Variants in CNNM2 observed in about 807,000 individuals in gnomAD.
CNNM2 encodes cyclin and CBS domain divalent metal cation transport mediator 2.
CNNM2 carries 12 observed loss-of-function variants against 66.9 expected under a neutral mutation model. The ratio of observed to expected loss-of-function variants is 0.18; its 90% CI spans 0.11 to 0.29. The LOEUF (loss-of-function observed/expected upper bound fraction) is 0.29. Among genes scored for constraint, CNNM2 ranks in the 10% least tolerant of loss-of-function variants. The pLI, the probability that CNNM2 is intolerant of heterozygous loss-of-function variation, is 1.00. For missense variants in CNNM2, 705 were observed against 1,167.7 expected (o/e 0.60, Z 5.77); for synonymous variants, 557 against 501.8 (o/e 1.11, Z -1.47).
At position 103,085,327 on chromosome 10, in the gene CNNM2, A is replaced by C. The variant is rs1389121371; in HGVS notation, c.*8147A>C. ...TTAAAGATACCCACACACTCAAGTC[A>C]AAGATAACTCTGGTGAGAACACTCT... On this transcript the variant is annotated 3_prime_UTR_variant, in exon 8 of 8. Coordinates refer to ENST00000369878, the MANE Select transcript of CNNM2 (RefSeq NM_017649.5). 6.6e-6 allele frequency: 1 copy of C among 152,238 alleles called. No individual in the cohort carries two copies. The highest frequency in any genetic ancestry group is 1.5e-5 in the Non-Finnish European group (1 of 68,044). The allele number at this position is 152,238 out of a possible 1,614,324, so 9.4% of individuals were successfully genotyped here. A position where few individuals can be genotyped will look rare whatever the true frequency, so the allele number is the denominator to read the frequency against.
In CNNM2 at chr10:103,080,012, A is replaced by G. The variant is rs374303084; in HGVS notation, c.*2832A>G. 5 of 152,334 alleles carry G rather than the reference A, an allele frequency of 3.3e-5. No individual in the cohort carries two copies. The South Asian group carries it at 1.0e-3, about 32-fold the overall frequency. 9.4% of individuals were successfully genotyped at this position (152,334 alleles called of 1,614,324 possible). The stretch of plus-strand genomic sequence containing the variant: ...CTCTGCCATTCATCTCTACAAAGCC[A>G]GTGGGGTCCGGCAGAGAAAGACCGT... On this transcript the variant is annotated 3_prime_UTR_variant, in exon 8 of 8. Transcript: ENST00000369878.
chr10:102,927,702 TTGCCG>T (rs1845919065), intron 1 of CNNM2: 1 of 321,346 alleles, frequency 3.1e-6, no homozygotes, highest in Non-Finnish European at 5.8e-6. Context: ...GTGGCGGAGG[TTGCCG>T]TGAGCTGAGA....
intron 6 of CNNM2, among the ~76,000 whole-genome samples, chr10:103,073,892 A>AG (rs1211987268): frequency 6.6e-6 from 1 of 151,094 alleles, no homozygotes; most frequent in Non-Finnish European, 1.5e-5. Flanking sequence ...AAAAAAAAAA[A>AG]AAGAATAGAA....
intron 1 of CNNM2, among the ~76,000 whole-genome samples, chr10:102,945,940 A>G (rs995097361): frequency 2.6e-5 from 4 of 151,520 alleles, no homozygotes; most frequent in African/African-American, 9.7e-5. Flanking sequence ...CTGTAAAGCT[A>G]CTTCATCTCT....
chr10:103,013,240 C>T (rs1040919432), intron 1 of CNNM2, among the ~76,000 whole-genome samples: 2 of 152,012 alleles, frequency 1.3e-5, no homozygotes, highest in African/African-American at 4.8e-5. Context: ...GGATAAAAAC[C>T]CAGGGAATGT....
At chr10:102,976,181 C>A (rs2063626183) in intron 1 of CNNM2, among the ~76,000 whole-genome samples, 1 of 152,120 alleles carries the variant, frequency 6.6e-6, no homozygotes, top group Non-Finnish European at 1.5e-5. Flanking sequence ...CATGCTTGTG[C>A]TAATTTTCTG....
intron 1 of CNNM2, among the ~76,000 whole-genome samples, chr10:103,009,170 G>A (rs189040635): frequency 1.8e-4 from 28 of 152,264 alleles, no homozygotes; most frequent in Non-Finnish European, 3.5e-4. Flanking sequence ...CAGCTACTTG[G>A]GAGGCTGAGG....
intron 4 of CNNM2, among the ~76,000 whole-genome samples, chr10:103,067,635 C>G (rs1312775152): frequency 2.0e-5 from 3 of 152,148 alleles, no homozygotes; most frequent in African/African-American, 7.2e-5. Context: ...GTGAAACTGA[C>G]TTAGAGCATT....
intron 1 of CNNM2, among the ~76,000 whole-genome samples, chr10:102,935,472 T>C (rs566661626): frequency 1.3e-5 from 2 of 152,170 alleles, no homozygotes; most frequent in Admixed American, 6.5e-5. Context: ...AAAAAACTTT[T>C]GTAGTATCTT....
intron 1 of CNNM2, among the ~76,000 whole-genome samples, chr10:102,999,175 A>C (rs2064064460): frequency 6.7e-6 from 1 of 149,168 alleles, no homozygotes; most frequent in East Asian, 2.0e-4. Flanking sequence ...GGTTCACGCC[A>C]TTCTCCCGCC....
Position 102,919,083 on chromosome 10 carries a change from C to G in CNNM2, c.603C>G (p.Gly201=). The G allele has an allele frequency of 6.2e-7, 1 of 1,611,976 alleles. No homozygotes were observed. Among genetic ancestry groups the G allele is most frequent in the East Asian group, 2.2e-5 (1 of 44,818 alleles). The part of the protein sequence containing the change: ...LCTSLSTPAL[G]AGGSGSTGGA... ...CGTCGCTCTCCACGCCCGCCCTGGG[C>G]GCCGGCGGCTCGGGGTCCACGGGTG... The change falls in exon 1 of 8, where the codon GGC becomes GGG. Residue 201 remains glycine, a synonymous_variant. Transcript: ENST00000369878.
rs17115244 is a variant in CNNM2 at position 102,937,612 on chromosome 10, A to G, written c.1621+17511A>G. Among the ~76,000 whole-genome samples the G allele has an allele frequency of 4.1e-3, 626 of 152,310 alleles. 20 individuals are homozygous for G. The East Asian group carries it at 0.073, about 18-fold the overall frequency. On this transcript the variant is annotated intron_variant, in intron 1 of 7. Transcript: ENST00000369878. ...AAGCTCAGTTAATAGTTTCCAGACTATTAAGCCTACAAAATGTATATCTTA... is the reference window on the plus strand; with the variant it reads ...AAGCTCAGTTAATAGTTTCCAGACTGTTAAGCCTACAAAATGTATATCTTA...
At chr10:102,952,115 T>A (rs1029033849) in intron 1 of CNNM2, among the ~76,000 whole-genome samples, 5 of 151,532 alleles carry the variant, frequency 3.3e-5, no homozygotes, top group African/African-American at 1.2e-4. Flanking sequence ...TTTTTTAAAT[T>A]TTTTGGGAGA....
At chr10:102,959,287 C>T (rs368693257) in intron 1 of CNNM2, among the ~76,000 whole-genome samples, 17 of 152,194 alleles carry the variant, frequency 1.1e-4, no homozygotes, top group African/African-American at 3.6e-4. Context: ...AAAAGTGAAC[C>T]GAGTACTTCT....
intron 1 of CNNM2, among the ~76,000 whole-genome samples, chr10:103,013,937 CTCA>C (rs1385556145): frequency 6.6e-6 from 1 of 152,150 alleles, no homozygotes; most frequent in Non-Finnish European, 1.5e-5. Context: ...TAGATGAGCT[CTCA>C]TCGTCTAATC....
At chr10:102,936,264 GTAAAAT>G (rs1250205597) in intron 1 of CNNM2, among the ~76,000 whole-genome samples, 1 of 152,090 alleles carries the variant, frequency 6.6e-6, no homozygotes, top group African/African-American at 2.4e-5. Context: ...GTCTTCAGAG[GTAAAAT>G]TAAAACTAAA....
chr10:102,979,512 C>T (rs891546688), intron 1 of CNNM2, among the ~76,000 whole-genome samples: 3 of 152,144 alleles, frequency 2.0e-5, no homozygotes, highest in African/African-American at 7.2e-5. Context: ...CATCTCTGTC[C>T]CTTTATTTTG....
At chr10:103,017,625 C>G (rs1009793890) in intron 1 of CNNM2, among the ~76,000 whole-genome samples, 2 of 152,128 alleles carry the variant, frequency 1.3e-5, no homozygotes, top group Non-Finnish European at 1.5e-5. Flanking sequence ...AGCAAAGACT[C>G]TTCTTGGATA....
intron 4 of CNNM2, among the ~76,000 whole-genome samples, chr10:103,062,639 A>G (rs1311380016): frequency 6.6e-6 from 1 of 151,402 alleles, no homozygotes. Context: ...CTGACCTGGA[A>G]GGGCCCCATC....
Sources: allele counts gnomAD v4.1 joint callset (sites outside exome capture counted in the v4.1 genomes callset), GRCh38; gene constraint gnomAD v4.1.1; transcripts MANE v1.5; gene names NCBI Gene and HGNC (gene_info 2026-07-23, HGNC 2026-07-21).